The following SORT1 variants were observed in gnomAD, a reference collection of about 807,000 sequenced individuals.
The protein encoded by SORT1 is sortilin 1.
A neutral mutation model predicts 101.7 loss-of-function variants in SORT1; 39 were observed. The observed-to-expected ratio is 0.38, with a 90% CI of 0.30 to 0.50. The LOEUF (loss-of-function observed/expected upper bound fraction) is 0.50. Ranked by LOEUF, SORT1 falls within the 20% of genes least tolerant of loss-of-function variation. SORT1 has a pLI of 0.90. For missense variants in SORT1, 878 were observed against 1,040.4 expected, an observed-to-expected ratio of 0.84 and a Z score of 2.15; for synonymous variants, 396 against 393.7, an observed-to-expected ratio of 1.01 and a Z score of -0.07.
rs200382695 is a variant in SORT1 at position 109,314,215 on chromosome 1, T to C, written c.2481+46A>G. ...AGAAGACAGACTTTATTTTCTTGTA[T>C]TTTTTGGGGGGGGGGGTACTACCAT... On this transcript the variant is annotated intron_variant, in intron 19 of 19. Transcript: ENST00000256637. The C allele has an allele frequency of 4.1e-4, 419 of 1,020,788 alleles. 4 individuals are homozygous for C. In the East Asian group the frequency reaches 0.014, roughly 34 times the overall value. 63.2% of individuals were successfully genotyped at this position (1,020,788 alleles called of 1,614,324 possible).
At chr1:109,338,510 C>T (rs746811335) in intron 10 of SORT1, among the ~76,000 whole-genome samples, 2 of 152,068 alleles carry the variant, frequency 1.3e-5, no homozygotes, top group Non-Finnish European at 2.9e-5. Flanking sequence ...ATAACTGGGC[C>T]TAAGGAAAGG....
chr1:109,337,169 T>C (rs1222250967), intron 10 of SORT1, among the ~76,000 whole-genome samples: 2 of 152,204 alleles, frequency 1.3e-5, no homozygotes, highest in African/African-American at 4.8e-5. Context: ...CTCTTCCCCA[T>C]TCTTATTTTC....
At chr1:109,335,444 G>C (rs1441097545) in intron 11 of SORT1, among the ~76,000 whole-genome samples, 1 of 152,220 alleles carries the variant, frequency 6.6e-6, no homozygotes, top group Non-Finnish European at 1.5e-5. Flanking sequence ...TAAAGGAGGA[G>C]AGTGTGTTGG....
chr1:109,356,453 C>T (rs1054144343), intron 3 of SORT1, among the ~76,000 whole-genome samples: 1 of 152,088 alleles, frequency 6.6e-6, no homozygotes, highest in African/African-American at 2.4e-5. Flanking sequence ...TGAATTGAAT[C>T]GACCCTGAAG....
intron 11 of SORT1, among the ~76,000 whole-genome samples, chr1:109,330,009 C>CT (rs112420654): frequency 6.0e-5 from 9 of 149,792 alleles, no homozygotes; most frequent in East Asian, 3.9e-4. Flanking sequence ...AGTATCCTTT[C>CT]TTTTTTTTTT....
chr1:109,371,667 G>A (rs1204092251), intron 1 of SORT1, among the ~76,000 whole-genome samples: 1 of 152,162 alleles, frequency 6.6e-6, no homozygotes, highest in South Asian at 2.1e-4. Context: ...CTCAACTACA[G>A]AATGAGGAGG....
At chr1:109,362,788 T>C (rs1367707502) in intron 3 of SORT1, among the ~76,000 whole-genome samples, 1 of 151,952 alleles carries the variant, frequency 6.6e-6, no homozygotes, top group African/African-American at 2.4e-5. Flanking sequence ...CACATTTTAA[T>C]ATACTTTTTC....
intron 3 of SORT1, among the ~76,000 whole-genome samples, 187 bp from the exon 4 acceptor site, chr1:109,355,656 C>CCCCCCCCCCCCCCCCCCG (rs1321675043): frequency 7.7e-6 from 1 of 129,308 alleles, no homozygotes; most frequent in African/African-American, 3.1e-5. Context: ...CCCCCCCCCC[C>CCCCCCCCCCCCCCCCCCG]ACAAACCCAC....
intron 6 of SORT1, among the ~76,000 whole-genome samples, chr1:109,349,848 A>G (rs549201626): frequency 3.3e-4 from 50 of 152,354 alleles, no homozygotes; most frequent in African/African-American, 1.2e-3. Flanking sequence ...CTTGGTAGAC[A>G]TATTTCAAAT....
At chr1:109,372,767 C>T (rs1412969891) in intron 1 of SORT1, among the ~76,000 whole-genome samples, 3 of 151,874 alleles carry the variant, frequency 2.0e-5, no homozygotes, top group Non-Finnish European at 2.9e-5. Context: ...GGCGTGGTGG[C>T]GGGCACCTGT....
chr1:109,364,709 G>A (rs1347973042), intron 3 of SORT1, among the ~76,000 whole-genome samples: 1 of 152,158 alleles, frequency 6.6e-6, no homozygotes, highest in Non-Finnish European at 1.5e-5. Flanking sequence ...AGGCATCTGG[G>A]GGCAGGCAAT....
rs531388466 is a variant in SORT1, at chr1:109,362,035, T to G, written c.440+5373A>C. Among the ~76,000 whole-genome samples the G allele has an allele frequency of 2.4e-4, 37 of 152,306 alleles. 1 individual carries two copies. In the East Asian group the frequency reaches 6.4e-3, roughly 26 times the overall value. Reference sequence around the variant, plus strand: ...TCCAAGAGCAGTGTCAACAAGCTGTTTAGTGTTCCTAAACACAAGAAGACT... The same window carrying G: ...TCCAAGAGCAGTGTCAACAAGCTGTGTAGTGTTCCTAAACACAAGAAGACT... On this transcript the variant is annotated intron_variant, in intron 3 of 19. Coordinates refer to ENST00000256637, the MANE Select transcript of SORT1 (RefSeq NM_002959.7).
At chr1:109,366,638 G>A (rs1235041941) in intron 3 of SORT1, 1 of 152,314 alleles carries the variant, frequency 6.6e-6, no homozygotes, top group East Asian at 1.9e-4. Context: ...CAGGCATGGT[G>A]GCTCACACCT....
In SORT1 at chr1:109,354,538, G is replaced by C. The variant is rs368872497; in HGVS notation, c.544-7C>G. 28 of 1,608,444 alleles carry C rather than the reference G, an allele frequency of 1.7e-5. No homozygotes were observed. Among genetic ancestry groups the C allele is most frequent in the Non-Finnish European group, 2.1e-5 (25 of 1,176,016 alleles). On this transcript the variant is annotated splice_polypyrimidine_tract_variant and splice_region_variant and intron_variant, in intron 4 of 19. Transcript: ENST00000256637. ...CCTCTGCTGTTAACACCACCTGATA[G>C]GAAGAGGAAAGATCTGATTCAGGGT...
At chr1:109,356,029 G>A (rs954739602) in intron 3 of SORT1, among the ~76,000 whole-genome samples, 5 of 152,008 alleles carry the variant, frequency 3.3e-5, no homozygotes, top group Non-Finnish European at 7.4e-5. Context: ...GTGTCACCAC[G>A]CCTGGCTAAT....
At chr1:109,322,519 T>C (rs1647700235) in intron 15 of SORT1, among the ~76,000 whole-genome samples, 1 of 152,172 alleles carries the variant, frequency 6.6e-6, no homozygotes, top group African/African-American at 2.4e-5. Flanking sequence ...TTCTCCACTC[T>C]TGGGGGAAAG....
chr1:109,314,643 T>C (rs746451403), intron 18 of SORT1, 29 bp downstream of exon 18: 2 of 1,454,760 alleles, frequency 1.4e-6, no homozygotes, highest in East Asian at 4.5e-5. Context: ...TTGAACTCAG[T>C]ACCTTGGATT....
In SORT1 at chr1:109,314,072, C is replaced by T; in HGVS notation, c.2482-15G>A. The T allele has an allele frequency of 6.2e-7, 1 of 1,614,130 alleles. No homozygotes were observed. The highest frequency in any genetic ancestry group is 8.5e-7 in the Non-Finnish European group (1 of 1,179,952). On this transcript the variant is annotated splice_polypyrimidine_tract_variant and intron_variant, in intron 19 of 19. Transcript: ENST00000256637. ...TCCAAGAGGTCCTGAAAAAGACATGCACCATATTACCGACAGACCACAACA... is the reference window on the plus strand; with the variant it reads ...TCCAAGAGGTCCTGAAAAAGACATGTACCATATTACCGACAGACCACAACA...
rs1163849856 is a variant in SORT1 at position 109,378,698 on chromosome 1, TGATATATATATATA to T, written c.307-9123_307-9110del. Among the ~76,000 whole-genome samples, 68 of 62,162 alleles carry T rather than the reference TGATATATATATATA, an allele frequency of 1.1e-3. 2 individuals carry two copies. Among genetic ancestry groups the T allele is most frequent in the African/African-American group, 3.6e-3 (54 of 15,036 alleles). 40.8% of individuals were successfully genotyped at this position (62,162 alleles called of 152,430 possible). A position where few individuals can be genotyped will look rare whatever the true frequency, so the allele number is the denominator to read the frequency against. On this transcript the variant is annotated intron_variant, in intron 1 of 19. Coordinates refer to ENST00000256637, the MANE Select transcript of SORT1 (RefSeq NM_002959.7). ...TCCAGCCAACAGAAGGTAGAGTGAA[TGATATATATATATA>T]TATATATATATATATATATATATAT...
Sources: allele counts gnomAD v4.1 joint callset (sites outside exome capture counted in the v4.1 genomes callset), GRCh38; gene constraint gnomAD v4.1.1; transcripts MANE v1.5; gene names NCBI Gene and HGNC (gene_info 2026-07-23, HGNC 2026-07-21).